The following SLC44A1 variants were observed in gnomAD, a reference collection of about 807,000 sequenced individuals.
SLC44A1 encodes the protein solute carrier family 44 member 1.
A neutral mutation model predicts 79.3 loss-of-function variants in SLC44A1; 26 were observed. The observed-to-expected ratio is 0.33, with a 90% confidence interval of 0.24 to 0.46. The LOEUF (loss-of-function observed/expected upper bound fraction) is 0.46, where lower values mean the gene tolerates loss of function less well. Ranked by LOEUF, SLC44A1 falls within the 20% of genes least tolerant of loss-of-function variation. The pLI is 1.00. For missense variants in SLC44A1, 688 were observed against 798.1 expected, an observed-to-expected ratio of 0.86 and a Z score of 1.66; for synonymous variants, 263 against 286.2, an observed-to-expected ratio of 0.92 and a Z score of 0.82.
intron 1 of SLC44A1, among the ~76,000 whole-genome samples, chr9:105,257,765 C>G (rs1829746037): frequency 6.6e-6 from 1 of 152,078 alleles, no homozygotes; most frequent in South Asian, 2.1e-4. Flanking sequence ...GAGAGGAATT[C>G]CAGTGTAAAG....
chr9:105,301,021 C>T (rs1465755410), intron 2 of SLC44A1, among the ~76,000 whole-genome samples: 1 of 152,132 alleles, frequency 6.6e-6, no homozygotes, highest in South Asian at 2.1e-4. Flanking sequence ...CCACCCATCT[C>T]GGCCTCCCAA....
chr9:105,412,057 G>A (rs1349870580), intron 15 of SLC44A1, among the ~76,000 whole-genome samples: 1 of 152,056 alleles, frequency 6.6e-6, no homozygotes, highest in Non-Finnish European at 1.5e-5. Flanking sequence ...ATATAATGAT[G>A]ATTTTCTAAT....
At chr9:105,324,877 T>C (rs564545385) in intron 3 of SLC44A1, among the ~76,000 whole-genome samples, 2 of 152,338 alleles carry the variant, frequency 1.3e-5, no homozygotes, top group South Asian at 2.1e-4. Context: ...TGTGGAGAAA[T>C]TGGAGCCCTC....
chr9:105,278,644 G>C (rs1408885467), intron 1 of SLC44A1, among the ~76,000 whole-genome samples: 1 of 152,152 alleles, frequency 6.6e-6, no homozygotes, highest in Non-Finnish European at 1.5e-5. Context: ...GCCTCCCAAA[G>C]TCCTGGGATT....
intron 3 of SLC44A1, among the ~76,000 whole-genome samples, chr9:105,313,589 T>C (rs989030167): frequency 6.6e-6 from 1 of 152,118 alleles, no homozygotes; most frequent in Admixed American, 6.6e-5. Flanking sequence ...CTGGCTGCCA[T>C]TTTTTTGATG....
intron 15 of SLC44A1, among the ~76,000 whole-genome samples, chr9:105,411,623 C>T (rs1371159542): frequency 6.6e-6 from 1 of 151,794 alleles, no homozygotes; most frequent in African/African-American, 2.4e-5. Flanking sequence ...TCTTTAATCT[C>T]TTTTAACTTG....
intron 2 of SLC44A1, among the ~76,000 whole-genome samples, chr9:105,303,638 A>G (rs1158154829): frequency 6.6e-6 from 1 of 152,234 alleles, no homozygotes; most frequent in African/African-American, 2.4e-5. Context: ...GCATAGAGAT[A>G]AGCTCAATAA....
intron 15 of SLC44A1, among the ~76,000 whole-genome samples, chr9:105,415,995 G>A (rs1037932881): frequency 5.4e-5 from 8 of 147,400 alleles, no homozygotes; most frequent in African/African-American, 2.0e-4. Context: ...TCCACCTCCC[G>A]GGTTCCAGCG....
intron 15 of SLC44A1, among the ~76,000 whole-genome samples, chr9:105,402,351 A>C (rs967274718): frequency 6.6e-5 from 10 of 152,198 alleles, no homozygotes; most frequent in African/African-American, 2.4e-4. Context: ...TTGGTGACTA[A>C]TGAAATTGGA....
chr9:105,349,154 G>A (rs976829955), intron 5 of SLC44A1, among the ~76,000 whole-genome samples: 12 of 152,078 alleles, frequency 7.9e-5, no homozygotes, highest in Non-Finnish European at 1.3e-4. Flanking sequence ...GTAGGTATAC[G>A]TATCTGTATA....
intron 1 of SLC44A1, among the ~76,000 whole-genome samples, chr9:105,298,234 G>A (rs2036876): frequency 0.98 from 149,119 of 152,366 alleles, 72,991 homozygotes; most frequent in East Asian, 1. Flanking sequence ...CTAGGAACAA[G>A]ATGAAAATGC....
At chr9:105,351,754 A>G (rs1248150661) in intron 5 of SLC44A1, among the ~76,000 whole-genome samples, 3 of 152,208 alleles carry the variant, frequency 2.0e-5, no homozygotes, top group Admixed American at 1.3e-4. Flanking sequence ...ATCATCTACT[A>G]CATGCCAGCT....
chr9:105,339,537 A>G (rs937554168), intron 4 of SLC44A1, among the ~76,000 whole-genome samples: 4 of 152,182 alleles, frequency 2.6e-5, no homozygotes, highest in African/African-American at 4.8e-5. Flanking sequence ...GATAAAGAAA[A>G]TATGGTGAAC....
In SLC44A1 at chr9:105,396,916, G is replaced by T; in HGVS notation, c.*7860G>T. The T allele has an allele frequency of 1.0e-6, 1 of 984,866 alleles. No individual in the cohort carries two copies. The highest frequency in any genetic ancestry group is 1.2e-6 in the Non-Finnish European group (1 of 829,556). 61.0% of individuals were successfully genotyped at this position (984,866 alleles called of 1,614,324 possible). On this transcript the variant is annotated 3_prime_UTR_variant, in exon 16 of 16. Coordinates refer to ENST00000374720, the MANE Select transcript of SLC44A1 (RefSeq NM_080546.5). ...TGTCACTACACTGTATTCATGTGGGGGAACAAACATGTAGGTGCTTGAACA... is the reference window on the plus strand; with the variant it reads ...TGTCACTACACTGTATTCATGTGGGTGAACAAACATGTAGGTGCTTGAACA...
chr9:105,352,458 A>T (rs1827480160), intron 5 of SLC44A1, among the ~76,000 whole-genome samples: 1 of 152,174 alleles, frequency 6.6e-6, no homozygotes, highest in East Asian at 1.9e-4. Flanking sequence ...GGTAAGATAT[A>T]ATTTTCATAT....
At chr9:105,379,173 G>A (rs1828384908) in intron 13 of SLC44A1, among the ~76,000 whole-genome samples, 1 of 152,206 alleles carries the variant, frequency 6.6e-6, no homozygotes, top group Non-Finnish European at 1.5e-5. Context: ...CTACTCGGGA[G>A]GCTGAGGTGG....
At position 105,395,184 on chromosome 9, in the gene SLC44A1, C is replaced by T; in HGVS notation, c.*6128C>T. ...AGAAAAGTCAGCCCCCTACCCCACC[C>T]CACACTCCTAGAAAAGTTTGGGGGT... is the stretch of plus-strand genomic sequence containing the variant. On this transcript the variant is annotated 3_prime_UTR_variant, in exon 16 of 16. Coordinates refer to ENST00000374720, the MANE Select transcript of SLC44A1 (RefSeq NM_080546.5). The T allele has an allele frequency of 1.0e-6, 1 of 985,342 alleles. No individual in the cohort carries two copies. Among genetic ancestry groups the T allele is most frequent in the Middle Eastern group, 5.2e-4 (1 of 1,914 alleles). The allele number at this position is 985,342 out of a possible 1,614,324, so 61.0% of individuals were successfully genotyped here.
At chr9:105,397,851 G>C (rs1828905278), downstream of SLC44A1, among the ~76,000 whole-genome samples, 1 of 152,104 alleles carries the variant, frequency 6.6e-6, no homozygotes, top group Admixed American at 6.5e-5. Flanking sequence ...GGGAGACTGA[G>C]GCAGGAGAAT....
In SLC44A1 at chr9:105,385,426, T is replaced by G. The variant is rs1828601480; in HGVS notation, c.1874T>G (p.Phe625Cys). The G allele has an allele frequency of 6.3e-7, 1 of 1,582,012 alleles. No homozygotes were observed. The highest frequency in any genetic ancestry group is 8.6e-7 in the Non-Finnish European group (1 of 1,163,272). The change falls in exon 15 of 16, where the codon TTT becomes TGT. Residue 625 changes from phenylalanine (F) to cysteine (C), a missense_variant. Transcript: ENST00000374720. Reference sequence around the variant, plus strand: ...AATATGGTCCATATTTTGCAGGAGTTTGTGGAAAACAGTAGGAAAGCAATG... The same window carrying G: ...AATATGGTCCATATTTTGCAGGAGTGTGTGGAAAACAGTAGGAAAGCAATG... ...EFYMDKVLME[F>C]VENSRKAMKE...
Sources: gnomAD v4.1 joint callset for allele counts (sites outside exome capture counted in the v4.1 genomes callset) on GRCh38, gnomAD v4.1.1 for gene constraint, MANE v1.5 for transcripts, NCBI Gene and HGNC (gene_info 2026-07-23, HGNC 2026-07-21) for gene names.